DMXL2: variants seen among roughly 807,000 people sequenced by gnomAD.
DMXL2 encodes dmX-like protein 2.
A neutral mutation model predicts 331.1 loss-of-function variants in DMXL2; 103 were observed. The ratio of observed to expected loss-of-function variants is 0.31; its 90% confidence interval spans 0.27 to 0.37. The LOEUF (loss-of-function observed/expected upper bound fraction) is 0.37, where lower values mean the gene tolerates loss of function less well. DMXL2 is among the 10% of genes least tolerant of loss of function. The pLI is 1.00. For synonymous variants in DMXL2, 1,281 were observed against 1,252.1 expected (o/e 1.02, Z -0.49); for missense variants, 3,171 against 3,642.9 (o/e 0.87, Z 3.33).
intron 40 of DMXL2, chr15:51,454,013 C>T (rs528529218): frequency 5.5e-6 from 1 of 183,416 alleles, no homozygotes; most frequent in Non-Finnish European, 1.1e-5. Flanking sequence ...ACAGACCCAA[C>T]TAGTCTTAGG....
At chr15:51,449,423 A>G (rs1307207142) in intron 43 of DMXL2, among the ~76,000 whole-genome samples, 1 of 152,106 alleles carries the variant, frequency 6.6e-6, no homozygotes, top group Non-Finnish European at 1.5e-5. Context: ...CATATTAACC[A>G]TATGTAGCCC....
At chr15:51,605,662 G>C (rs1389209869) in intron 1 of DMXL2, among the ~76,000 whole-genome samples, 1 of 95,784 alleles carries the variant, frequency 1.0e-5, no homozygotes, top group Non-Finnish European at 2.3e-5. Context: ...TCCCGCCTCA[G>C]CCTCCCCAGT....
chr15:51,576,183 T>TTAAAAAAAAAAA lies in DMXL2; in HGVS notation c.88-3_88-2insTTTTTTTTTTTA. 8 of 626,284 alleles carry TTAAAAAAAAAAA rather than the reference T, an allele frequency of 1.3e-5. No individual in the cohort carries two copies. The highest frequency in any genetic ancestry group is 1.4e-5 in the Non-Finnish European group (7 of 493,546). The allele number at this position is 626,284 out of a possible 1,614,324, so 38.8% of individuals were successfully genotyped here. A position where few individuals can be genotyped will look rare whatever the true frequency, so the allele number is the denominator to read the frequency against. On this transcript the variant is annotated splice_region_variant and splice_polypyrimidine_tract_variant and intron_variant, in intron 1 of 43. Coordinates refer to ENST00000560891, the MANE Select transcript of DMXL2 (RefSeq NM_001378457.1). ...AATATCACAGCCTGATCCATATGCCTAAAAAAAAAAAAAAAAAAAAGTTTT... is the reference window on the plus strand; with the variant it reads ...AATATCACAGCCTGATCCATATGCCTTAAAAAAAAAAAAAAAAAAAAAAAAAAAAAAAGTTTT...
intron 1 of DMXL2, among the ~76,000 whole-genome samples, chr15:51,594,489 G>A (rs913697843): frequency 1.3e-5 from 2 of 152,258 alleles, no homozygotes; most frequent in East Asian, 3.9e-4. Context: ...AGAGGTACAA[G>A]GAGGAGCTGG....
rs3078066 is a variant in DMXL2, at chr15:51,576,183, T to TAAAAAAAA, written c.88-10_88-3dup. 652 of 628,318 alleles carry TAAAAAAAA rather than the reference T, an allele frequency of 1.0e-3. 28 individuals are homozygous for TAAAAAAAA. The highest frequency in any genetic ancestry group is 4.7e-3 in the African/African-American group (128 of 27,270). 38.9% of individuals were successfully genotyped at this position (628,318 alleles called of 1,614,324 possible). On this transcript the variant is annotated splice_region_variant and splice_polypyrimidine_tract_variant and intron_variant, in intron 1 of 43. Transcript: ENST00000560891. Reference sequence around the variant, plus strand: ...AATATCACAGCCTGATCCATATGCCTAAAAAAAAAAAAAAAAAAAAGTTTT... The same window carrying TAAAAAAAA: ...AATATCACAGCCTGATCCATATGCCTAAAAAAAAAAAAAAAAAAAAAAAAAAAAGTTTT...
At chr15:51,561,966 T>C (rs7161973) in intron 6 of DMXL2, among the ~76,000 whole-genome samples, 73,098 of 152,000 alleles carry the variant, frequency 0.48, 17,887 homozygotes, top group Non-Finnish European at 0.52. Flanking sequence ...CTCAATCTTA[T>C]GTGGGAGCTA....
intron 8 of DMXL2, among the ~76,000 whole-genome samples, chr15:51,544,285 C>A (rs1278634356): frequency 6.6e-6 from 1 of 152,076 alleles, no homozygotes; most frequent in African/African-American, 2.4e-5. Context: ...CGAGTGAGTT[C>A]TCATAAGATT....
At chr15:51,509,400 A>G (rs2046615681) in intron 15 of DMXL2, among the ~76,000 whole-genome samples, 1 of 152,186 alleles carries the variant, frequency 6.6e-6, no homozygotes, top group Non-Finnish European at 1.5e-5. Flanking sequence ...ACAGAAATAA[A>G]CACTACCATC....
In DMXL2 at chr15:51,601,290, CAAA is replaced by C. The variant is rs200188441; in HGVS notation, c.87+21166_87+21168del. ...TGGGTGACAAAGCAAGACTCCATCT[CAAA>C]AAAAAAAAAAAAAATTTGATGTTTT... is the stretch of plus-strand genomic sequence containing the variant. On this transcript the variant is annotated intron_variant, in intron 1 of 43. Transcript: ENST00000560891. Among the ~76,000 whole-genome samples the C allele has an allele frequency of 7.9e-4, 76 of 96,608 alleles. 2 individuals are homozygous for C. The East Asian group carries it at 0.018, about 23-fold the overall frequency. 63.4% of individuals were successfully genotyped at this position (96,608 alleles called of 152,430 possible). A position where few individuals can be genotyped will look rare whatever the true frequency, so the allele number is the denominator to read the frequency against.
chr15:51,544,441 T>C (rs1021595867), intron 8 of DMXL2, among the ~76,000 whole-genome samples: 9 of 152,216 alleles, frequency 5.9e-5, no homozygotes, highest in Non-Finnish European at 1.2e-4. Context: ...TCTGGTGCCA[T>C]GCTTCCTATA....
chr15:51,556,998 G>T (rs2049638029), intron 6 of DMXL2, among the ~76,000 whole-genome samples: 1 of 151,816 alleles, frequency 6.6e-6, no homozygotes, highest in Non-Finnish European at 1.5e-5. Context: ...AGATAGACCT[G>T]TTGTCACCAC....
intron 23 of DMXL2, among the ~76,000 whole-genome samples, chr15:51,485,622 T>C (rs1426297980): frequency 6.6e-6 from 1 of 152,218 alleles, no homozygotes; most frequent in Non-Finnish European, 1.5e-5. Flanking sequence ...TATTTAACTA[T>C]TCTATTGACA....
intron 1 of DMXL2, among the ~76,000 whole-genome samples, chr15:51,606,825 G>C (rs772598035): frequency 6.6e-5 from 10 of 152,122 alleles, no homozygotes; most frequent in Middle Eastern, 6.8e-3. Context: ...AAATTGATTA[G>C]AAAAAAACAT....
rs2039013369 is a variant in DMXL2, at chr15:51,450,185, C to T, written c.8911G>A (p.Ala2971Thr). ...AAATATTCCTCATAGGGATCCAAGG[C>T]CAGAGCCTTAATAGCTGAGTCATGG... ...QAHDSAIKALALDPYEEYFTT... is the reference protein window; with the variant it reads ...QAHDSAIKALTLDPYEEYFTT... Residue 2971 changes from alanine to threonine, a missense_variant, in exon 43 of 44, where the codon GCC becomes ACC. Physicochemically the swap from Ala to Thr is moderately conservative, Grantham distance 58. This residue lies in a region of DMXL2 where 766 missense variants were observed against 940.5 expected (regional missense o/e 0.81). Coordinates refer to ENST00000560891, the MANE Select transcript of DMXL2 (RefSeq NM_001378457.1). 1 of 1,613,910 alleles carries T rather than the reference C, an allele frequency of 6.2e-7. No individual in the cohort carries two copies. The highest frequency in any genetic ancestry group is 8.5e-7 in the Non-Finnish European group (1 of 1,180,008).
intron 13 of DMXL2, among the ~76,000 whole-genome samples, chr15:51,524,480 A>G (rs969011748): frequency 2.6e-5 from 4 of 152,194 alleles, no homozygotes; most frequent in African/African-American, 9.6e-5. Context: ...TTTTAACTTC[A>G]TTATCACTGA....
rs549406969 is a variant in DMXL2 at position 51,568,918 on chromosome 15, C to A, written c.214-360G>T. On this transcript the variant is annotated intron_variant, in intron 2 of 43. Transcript: ENST00000560891. Reference sequence around the variant, plus strand: ...TCCAACTGAGGTACCAGGTTCATCTCACTGGGACTGGCTGGACAGTGGGTA... The same window carrying A: ...TCCAACTGAGGTACCAGGTTCATCTAACTGGGACTGGCTGGACAGTGGGTA... Among the ~76,000 whole-genome samples, 13 of 152,194 alleles carry A rather than the reference C, an allele frequency of 8.5e-5. No individual in the cohort carries two copies. In the East Asian group the frequency reaches 2.5e-3, roughly 29 times the overall value.
intron 1 of DMXL2, among the ~76,000 whole-genome samples, chr15:51,595,267 T>C (rs2052712473): frequency 6.6e-6 from 1 of 152,198 alleles, no homozygotes. Flanking sequence ...AGCATTCTTA[T>C]ATACCAATAA....
At chr15:51,519,714 C>G (rs1381894631) in intron 13 of DMXL2, among the ~76,000 whole-genome samples, 1 of 138,320 alleles carries the variant, frequency 7.2e-6, no homozygotes, top group East Asian at 2.2e-4. Context: ...ATGGTCTTGG[C>G]TCATTGCAAC....
chr15:51,538,553 A>C, intron 9 of DMXL2, 101 bp from the exon 10 acceptor site: 2 of 875,700 alleles, frequency 2.3e-6, no homozygotes, highest in Non-Finnish European at 1.6e-6. Flanking sequence ...GGTGCTAAAC[A>C]AGTCAACATA....
Sources: allele counts gnomAD v4.1 joint callset (sites outside exome capture counted in the v4.1 genomes callset), GRCh38; gene constraint gnomAD v4.1.1; regional missense constraint gnomAD v4.1.1; transcripts MANE v1.5; gene names NCBI Gene and HGNC (gene_info 2026-07-23, HGNC 2026-07-21).